ABCC4: variants seen among roughly 807,000 people sequenced by gnomAD.
The protein encoded by ABCC4 is ATP-binding cassette sub-family C member 4.
In ABCC4, 102 loss-of-function variants were observed where a neutral mutation model predicts 168.5. The ratio of observed to expected loss-of-function variants is 0.61; its 90% confidence interval spans 0.52 to 0.71. The LOEUF (loss-of-function observed/expected upper bound fraction) is 0.71, where lower values mean the gene tolerates loss of function less well. Among genes scored for constraint, ABCC4 ranks in the 30% least tolerant of loss-of-function variants. ABCC4 has a pLI of 0.00. For missense variants in ABCC4, 1,402 were observed against 1,605.8 expected (o/e 0.87, Z 2.17); for synonymous variants, 617 against 590.7 (o/e 1.04, Z -0.65).
intron 19 of ABCC4, among the ~76,000 whole-genome samples, chr13:95,151,563 A>AGG (rs1566467851): frequency 2.2e-5 from 3 of 134,548 alleles, no homozygotes; most frequent in South Asian, 2.4e-4. Flanking sequence ...GGAGGAGGAG[A>AGG]AGGAGAAGAA....
intron 20 of ABCC4, among the ~76,000 whole-genome samples, chr13:95,089,235 A>G (rs1269891185): frequency 1.3e-5 from 2 of 152,244 alleles, no homozygotes; most frequent in African/African-American, 4.8e-5. Context: ...ATGATTTTGC[A>G]GAAGTTTTAT....
At chr13:95,182,550 T>C (rs1224561077) in intron 11 of ABCC4, among the ~76,000 whole-genome samples, 4 of 152,230 alleles carry the variant, frequency 2.6e-5, no homozygotes, top group Non-Finnish European at 4.4e-5. Flanking sequence ...GCATGTCACA[T>C]TTCATGTGAT....
chr13:95,083,285 C>T lies in ABCC4; in HGVS notation c.2541G>A (p.Leu847=), dbSNP rs764479887. 5.6e-6 allele frequency: 9 copies of T among 1,613,240 alleles called. No homozygotes were observed. The highest frequency in any genetic ancestry group is 6.8e-6 in the Non-Finnish European group (8 of 1,179,746). ...CAGAGACCACACCAACCACTTGTAGCAATGTCTGAAATAGCAGAAGTAGAT... is the reference window on the plus strand; with the variant it reads ...CAGAGACCACACCAACCACTTGTAGTAATGTCTGAAATAGCAGAAGTAGAT... ...PLTFLDFIQT[L]LQVVGVVSVA... Residue 847 remains leucine (L), a synonymous_variant, in exon 21 of 31, where the codon TTG becomes TTA. Coordinates refer to ENST00000645237, the MANE Select transcript of ABCC4 (RefSeq NM_005845.5).
intron 26 of ABCC4, chr13:95,054,042 T>A (rs2032960577): frequency 3.0e-5 from 1 of 33,844 alleles, no homozygotes; most frequent in Non-Finnish European, 7.7e-5. Flanking sequence ...TTTTTTTTTT[T>A]TTTTTTTTTT....
At chr13:95,193,856 C>T (rs918434451) in intron 9 of ABCC4, among the ~76,000 whole-genome samples, 1 of 152,222 alleles carries the variant, frequency 6.6e-6, no homozygotes, top group Non-Finnish European at 1.5e-5. Flanking sequence ...ATCCAGGATC[C>T]GATCAGGTCC....
chr13:95,294,928 T>G (rs1288223743), intron 1 of ABCC4, among the ~76,000 whole-genome samples: 1 of 152,084 alleles, frequency 6.6e-6, no homozygotes, highest in Admixed American at 6.6e-5. Context: ...CACTCCAGCT[T>G]GGGCAACAAG....
In ABCC4 at chr13:95,124,983, T is replaced by C. The variant is rs142592094; in HGVS notation, c.2456-8982A>G. Among the ~76,000 whole-genome samples the C allele has an allele frequency of 8.7e-4, 132 of 151,122 alleles. 1 individual carries two copies. Among genetic ancestry groups the C allele is most frequent in the African/African-American group, 1.6e-3 (65 of 41,128 alleles). ...AATGAGGCACACAAACCTAGAAGAGTGAACTCAACACTGTGTTTGAAGACC... is the reference window on the plus strand; with the variant it reads ...AATGAGGCACACAAACCTAGAAGAGCGAACTCAACACTGTGTTTGAAGACC... On this transcript the variant is annotated intron_variant, in intron 19 of 30. Coordinates refer to ENST00000645237, the MANE Select transcript of ABCC4 (RefSeq NM_005845.5).
chr13:95,188,365 T>A, intron 10 of ABCC4, 88 bp downstream of exon 10: 1 of 1,197,550 alleles, frequency 8.4e-7, no homozygotes, highest in Non-Finnish European at 1.2e-6. Flanking sequence ...AGTTCAAAAT[T>A]GTGTTACACG....
At chr13:95,261,216 G>A (rs956394144) in intron 1 of ABCC4, among the ~76,000 whole-genome samples, 2 of 152,072 alleles carry the variant, frequency 1.3e-5, no homozygotes, top group South Asian at 4.1e-4. Flanking sequence ...GGGAGGCCGA[G>A]GTGGGCAAAT....
chr13:95,076,186 A>G (rs1272060597), intron 21 of ABCC4, among the ~76,000 whole-genome samples: 5 of 152,180 alleles, frequency 3.3e-5, no homozygotes, highest in Admixed American at 2.0e-4. Flanking sequence ...GGGTGCTGCA[A>G]TGCCCTTGTG....
chr13:95,041,798 G>A (rs1336451123), intron 29 of ABCC4, among the ~76,000 whole-genome samples: 2 of 152,208 alleles, frequency 1.3e-5, no homozygotes, highest in Non-Finnish European at 2.9e-5. Context: ...CTAGAATACA[G>A]GAGATGCTTT....
At chr13:95,066,663 C>T (rs181052775) in intron 25 of ABCC4, among the ~76,000 whole-genome samples, 2 of 152,120 alleles carry the variant, frequency 1.3e-5, no homozygotes, top group Non-Finnish European at 2.9e-5. Flanking sequence ...AGAGAAAAAT[C>T]GAGGCTTAGT....
chr13:95,145,170 A>G (rs1280111457), intron 19 of ABCC4, among the ~76,000 whole-genome samples: 1 of 152,214 alleles, frequency 6.6e-6, no homozygotes, highest in Non-Finnish European at 1.5e-5. Context: ...TTGCAGAGAA[A>G]AGGAACACAT....
Position 95,163,103 on chromosome 13 carries a change from C to A in ABCC4, c.2308+19G>T, listed in dbSNP as rs2037151473. The A allele has an allele frequency of 3.2e-6, 5 of 1,573,166 alleles. No homozygotes were observed. Among genetic ancestry groups the A allele is most frequent in the African/African-American group, 2.7e-5 (2 of 73,974 alleles). ...GCACCTCAGCCTCTCATACAATACA[C>A]CAAATGATTAAACTTTACCTGAATA... On this transcript the variant is annotated intron_variant, in intron 18 of 30. Coordinates refer to ENST00000645237, the MANE Select transcript of ABCC4 (RefSeq NM_005845.5).
At chr13:95,036,768 A>G (rs1189610708) in intron 29 of ABCC4, among the ~76,000 whole-genome samples, 2 of 152,110 alleles carry the variant, frequency 1.3e-5, no homozygotes, top group African/African-American at 4.8e-5. Flanking sequence ...CGACCTCTTT[A>G]ATATTTTTTT....
In ABCC4 at chr13:95,043,381, T is replaced by C. The variant is rs1178599146; in HGVS notation, c.3735+301A>G. ...CAGTGACAATGACTGTGATCTTCTA[T>C]TGGATACTACTCCGTAGTATGACAG... On this transcript the variant is annotated intron_variant, in intron 29 of 30. Coordinates refer to ENST00000645237, the MANE Select transcript of ABCC4 (RefSeq NM_005845.5). 1.4e-5 allele frequency: 4 copies of C among 282,952 alleles called. No individual in the cohort carries two copies. In the Admixed American group the frequency reaches 1.9e-4, roughly 13 times the overall value. The allele number at this position is 282,952 out of a possible 1,614,324, so 17.5% of individuals were successfully genotyped here. A position where few individuals can be genotyped will look rare whatever the true frequency, so the allele number is the denominator to read the frequency against.
At chr13:95,291,509 C>T (rs1247868855) in intron 1 of ABCC4, among the ~76,000 whole-genome samples, 2 of 152,198 alleles carry the variant, frequency 1.3e-5, no homozygotes, top group Non-Finnish European at 2.9e-5. Flanking sequence ...TCTGCCACAA[C>T]CTAGAGGACA....
chr13:95,061,837 T>C (rs1021257652), intron 26 of ABCC4, among the ~76,000 whole-genome samples: 8 of 152,160 alleles, frequency 5.3e-5, no homozygotes, highest in Admixed American at 3.9e-4. Context: ...ACAAGGTCTA[T>C]GTTGCTCATG....
At chr13:95,072,303 A>G (rs2033756928) in intron 24 of ABCC4, among the ~76,000 whole-genome samples, 1 of 152,174 alleles carries the variant, frequency 6.6e-6, no homozygotes, top group Admixed American at 6.5e-5. Flanking sequence ...TCTACTAAAA[A>G]TACAAAAATT....
Sources: allele counts gnomAD v4.1 joint callset (sites outside exome capture counted in the v4.1 genomes callset), GRCh38; gene constraint gnomAD v4.1.1; transcripts MANE v1.5; gene names NCBI Gene and HGNC (gene_info 2026-07-23, HGNC 2026-07-21).